The following QRICH2 variants were observed in gnomAD, a reference collection of about 807,000 sequenced individuals.
QRICH2 encodes the protein glutamine-rich protein 2.
Under a neutral mutation model 168.3 loss-of-function variants are expected in QRICH2, and 119 were observed. That is an observed-to-expected ratio of 0.71 (90% CI 0.61 to 0.82). The LOEUF (loss-of-function observed/expected upper bound fraction) is 0.82, where lower values mean the gene tolerates loss of function less well. Among genes scored for constraint, QRICH2 ranks in the 40% least tolerant of loss-of-function variants. The probability of loss-of-function intolerance (pLI) is 0.00; values close to 1 mark genes in which losing one functional copy is unlikely to be tolerated. For synonymous variants in QRICH2, 894 were observed against 951.2 expected (o/e 0.94, Z 1.11); for missense variants, 2,241 against 2,491.6 (o/e 0.90, Z 2.14).
chr17:76,297,485 C>T (rs1010733697), intron 3 of QRICH2, among the ~76,000 whole-genome samples: 5 of 150,876 alleles, frequency 3.3e-5, no homozygotes, highest in Non-Finnish European at 5.9e-5. Flanking sequence ...CCGGCCTGGG[C>T]GACACAGCAA....
chr17:76,293,220 G>A lies in QRICH2; in HGVS notation c.1507C>T (p.Gln503Ter), dbSNP rs142906477. Residue 503 changes from glutamine to a stop codon, truncating the protein, a stop_gained, in exon 4 of 19, where the codon CAA becomes TAA. Transcript: ENST00000680821. LOFTEE classifies it high-confidence loss of function. ...TCTATACCAGGGGGTACTAGTCCTT[G>A]CTGACCCATGCCTGATATTACACAT... ...RGCVISGMGQ[Q>*]GLVPPGIDQQ... 4.7e-5 allele frequency: 76 copies of A among 1,614,046 alleles called. No homozygotes were observed. Among genetic ancestry groups the A allele is most frequent in the Non-Finnish European group, 6.2e-5 (73 of 1,180,036 alleles).
chr17:76,279,259 G>A, intron 13 of QRICH2, 104 bp downstream of exon 13: 1 of 1,341,642 alleles, frequency 7.5e-7, no homozygotes, highest in Non-Finnish European at 1.0e-6. Flanking sequence ...GCGAGGGCTG[G>A]AAGCAGACAC....
intron 6 of QRICH2, among the ~76,000 whole-genome samples, 181 bp from the exon 7 acceptor site, chr17:76,287,487 C>T (rs966668254): frequency 8.5e-5 from 13 of 152,210 alleles, no homozygotes; most frequent in East Asian, 3.9e-4. Context: ...GGCTTCTGGG[C>T]GGTAGGACTG....
chr17:76,299,770 T>C (rs1269605441), intron 3 of QRICH2, among the ~76,000 whole-genome samples: 1 of 151,274 alleles, frequency 6.6e-6, no homozygotes, highest in Non-Finnish European at 1.5e-5. Context: ...AAGAGGACCC[T>C]GAACACAAAA....
chr17:76,280,967 G>A lies in QRICH2; in HGVS notation c.4264-14C>T. 1 of 1,605,958 alleles carries A rather than the reference G, an allele frequency of 6.2e-7. No individual in the cohort carries two copies. The highest frequency in any genetic ancestry group is 8.5e-7 in the Non-Finnish European group (1 of 1,179,656). ...CAGCTCCTCGTCCTGCGGCAGGAGG[G>A]ATGGGAAGGCTCTCGGAGGCTGCTG... On this transcript the variant is annotated splice_polypyrimidine_tract_variant and intron_variant, in intron 8 of 18. Transcript: ENST00000680821. The surrounding 1 kb of genome is among the most constrained non-coding windows in gnomAD (Gnocchi z 7.4).
In QRICH2 at chr17:76,289,947, A is replaced by G. The variant is rs765873079; in HGVS notation, c.3798+45T>C. The G allele has an allele frequency of 4.2e-5, 58 of 1,377,308 alleles. No homozygotes were observed. In the South Asian group the frequency reaches 6.1e-4, roughly 15 times the overall value. 85.3% of individuals were successfully genotyped at this position (1,377,308 alleles called of 1,614,324 possible). On this transcript the variant is annotated intron_variant, in intron 5 of 18. Transcript: ENST00000680821. ...GCCAGGGCGACAAGAGCAAAACTCC[A>G]TCTCAAAAAAAAAAAAAAGACAAAG...
At position 76,280,767 on chromosome 17, in the gene QRICH2, A is replaced by C. The variant is rs1257062218; in HGVS notation, c.4387-39T>G. On this transcript the variant is annotated intron_variant, in intron 9 of 18. Coordinates refer to ENST00000680821, the MANE Select transcript of QRICH2 (RefSeq NM_001388453.1). This position sits in a 1 kb window ranked among gnomAD's most constrained non-coding sequence, Gnocchi z 7.4. The stretch of plus-strand genomic sequence containing the variant: ...GTGAACAGAGAAAAAAAGAGCCAGC[A>C]GCTGCGGGGCTAGGGCACCACATTG... 6.2e-7 allele frequency: 1 copy of C among 1,614,086 alleles called. No individual in the cohort carries two copies. Among genetic ancestry groups the C allele is most frequent in the Non-Finnish European group, 8.5e-7 (1 of 1,179,998 alleles).
chr17:76,277,874 C>G, intron 15 of QRICH2, 115 bp downstream of exon 15: 1 of 1,128,384 alleles, frequency 8.9e-7, no homozygotes, highest in Admixed American at 1.8e-5. Flanking sequence ...CACACACACA[C>G]ACTCCCTTTT....
At position 76,292,636 on chromosome 17, in the gene QRICH2, C is replaced by A. The variant is rs750908235; in HGVS notation, c.2091G>T (p.Gln697His). ...CTGCACCAGGTTGCACCACATCAAT[C>A]TGATCTGCACCAGGTTGGACCAAGC... ...QPGLVQPGAD[Q>H]IDVVQPGADQ... Residue 697 changes from glutamine to histidine, a missense_variant, in exon 4 of 19, where the codon CAG (glutamine) becomes CAT (histidine). Gln to His is a conservative substitution (Grantham distance 24, BLOSUM62 0). Around this residue, in one of 3 missense-constraint regions of QRICH2, gnomAD observed 2,047 missense variants for 2,303.8 expected, o/e 0.89. Coordinates refer to ENST00000680821, the MANE Select transcript of QRICH2 (RefSeq NM_001388453.1). 79 of 1,613,958 alleles carry A rather than the reference C, an allele frequency of 4.9e-5. No individual in the cohort carries two copies. The highest frequency in any genetic ancestry group is 6.4e-5 in the Non-Finnish European group (76 of 1,180,028).
In QRICH2 at chr17:76,305,029, T is replaced by G. The variant is rs553036506; in HGVS notation, c.535-88A>C. 1.4e-3 allele frequency: 1,209 copies of G among 834,246 alleles called. 9 individuals carry two copies. Among genetic ancestry groups the G allele is most frequent in the Non-Finnish European group, 1.5e-3 (740 of 489,696 alleles). The allele number at this position is 834,246 out of a possible 1,614,324, so 51.7% of individuals were successfully genotyped here. On this transcript the variant is annotated intron_variant, in intron 1 of 18. Coordinates refer to ENST00000680821, the MANE Select transcript of QRICH2 (RefSeq NM_001388453.1). Reference sequence around the variant, plus strand: ...CACACACACAGATGCGCACACACACTCTCACACTCAGACACACACATGCAT... The same window carrying G: ...CACACACACAGATGCGCACACACACGCTCACACTCAGACACACACATGCAT...
At chr17:76,298,741 G>A (rs1049284611) in intron 3 of QRICH2, among the ~76,000 whole-genome samples, 10 of 151,820 alleles carry the variant, frequency 6.6e-5, no homozygotes, top group South Asian at 4.2e-4. Context: ...TCGGCCTCCC[G>A]AGTAGCTGGG....
At position 76,306,760 on chromosome 17, in the gene QRICH2, GC is replaced by G. The variant is rs755803391; in HGVS notation, c.534+704del. Among the ~76,000 whole-genome samples, 14 of 152,130 alleles carry G rather than the reference GC, an allele frequency of 9.2e-5. No individual in the cohort carries two copies. The East Asian group carries it at 2.7e-3, about 29-fold the overall frequency. On this transcript the variant is annotated intron_variant, in intron 1 of 18. Coordinates refer to ENST00000680821, the MANE Select transcript of QRICH2 (RefSeq NM_001388453.1). ...ATATTAGCCAGGCGGGGTGGCGCGC[GC>G]CTATAATCCCAGCTACTCGGGAGGC...
At chr17:76,275,654 C>A (rs941830189) in intron 18 of QRICH2, among the ~76,000 whole-genome samples, 165 bp downstream of exon 18, 4 of 152,252 alleles carry the variant, frequency 2.6e-5, no homozygotes, top group African/African-American at 7.2e-5. Flanking sequence ...AGAAGGGGCA[C>A]AAATCACTCA....
upstream of QRICH2, among the ~76,000 whole-genome samples, chr17:76,309,271 G>A (rs1244768584): frequency 2.1e-4 from 32 of 149,896 alleles, no homozygotes; most frequent in East Asian, 9.9e-4. Context: ...CAGGAGAATC[G>A]CGTCAACCCG....
chr17:76,287,203 G>A lies in QRICH2; in HGVS notation c.4000C>T (p.Leu1334=). The change falls in exon 7 of 19, where the codon CTG becomes TTG. Residue 1334 remains leucine, a synonymous_variant. Transcript: ENST00000680821. The part of the protein sequence containing the change: ...ENSVSEASLY[L]QDQLDKLRMI... ...TGGGGAATCCTCACCTGGTCCTGCA[G>A]GTAAAGGGAGGCTTCAGAGACAGAA... The A allele has an allele frequency of 6.2e-7, 1 of 1,612,804 alleles. No homozygotes were observed.
At chr17:76,285,998 C>T (rs1442359776) in intron 7 of QRICH2, among the ~76,000 whole-genome samples, 1 of 151,938 alleles carries the variant, frequency 6.6e-6, no homozygotes, top group Admixed American at 6.6e-5. Context: ...CAGTGAAACC[C>T]CGTCTCTGCT....
chr17:76,292,831 T>C lies in QRICH2; in HGVS notation c.1896A>G (p.Gln632=). 1 of 1,602,996 alleles carries C rather than the reference T, an allele frequency of 6.2e-7. No individual in the cohort carries two copies. ...TCAAACCATGCTGATCTCTACCAGG[T>C]TGGGCCAAACCAGACTGATCCATTC... is the stretch of plus-strand genomic sequence containing the variant. ...WPGMDQSGLA[Q]PGRDQHGLIQ... is the part of the protein sequence containing the mutation. The change falls in exon 4 of 19, where the codon CAA becomes CAG. Residue 632 remains glutamine, a synonymous_variant. Coordinates refer to ENST00000680821, the MANE Select transcript of QRICH2 (RefSeq NM_001388453.1).
At position 76,275,964 on chromosome 17, in the gene QRICH2, G is replaced by A; in HGVS notation, c.5354-17C>T. 5.6e-6 allele frequency: 9 copies of A among 1,604,946 alleles called. No individual in the cohort carries two copies. The highest frequency in any genetic ancestry group is 7.6e-6 in the Non-Finnish European group (9 of 1,179,754). ...TCCCTGAGCCTGATGGGGGACAGGA[G>A]GGAAGGGTCAGTGCTGAGGCAGCGG... On this transcript the variant is annotated splice_polypyrimidine_tract_variant and intron_variant, in intron 17 of 18. Coordinates refer to ENST00000680821, the MANE Select transcript of QRICH2 (RefSeq NM_001388453.1).
At chr17:76,276,059 C>T (rs921348992) in intron 17 of QRICH2, 112 bp from the exon 18 acceptor site, 3 of 1,282,670 alleles carry the variant, frequency 2.3e-6, no homozygotes, top group Non-Finnish European at 2.2e-6. Context: ...CCGGCCTCAG[C>T]TGAGTGGGGT....
Sources: allele counts gnomAD v4.1 joint callset (sites outside exome capture counted in the v4.1 genomes callset), GRCh38; gene constraint gnomAD v4.1.1; regional missense constraint gnomAD v4.1.1; non-coding constraint Gnocchi (gnomAD v3.1); transcripts MANE v1.5; gene names NCBI Gene and HGNC (gene_info 2026-07-23, HGNC 2026-07-21).